Variants in TMEM200C observed in about 807,000 individuals in gnomAD.
TMEM200C encodes the protein transmembrane protein TTMA.
For missense variants in TMEM200C, 966 were observed against 699.9 expected (o/e 1.38, Z -4.29); for synonymous variants, 462 against 324.7 (o/e 1.42, Z -4.55).
chr18:5,888,805 C>T (rs2095167362), exon 3 of TMEM200C: 1 of 152,228 alleles, frequency 6.6e-6, no homozygotes, highest in African/African-American at 2.4e-5. Flanking sequence ...CTCATAGCTC[C>T]ATGAGATATG....
exon 3 of TMEM200C, chr18:5,890,730 G>A (rs1032067451): frequency 2.9e-4 from 158 of 544,200 alleles, no homozygotes; most frequent in Non-Finnish European, 4.9e-4. Context: ...CGCCGCTACC[G>A]CGCCCTCGGG....
exon 3 of TMEM200C, chr18:5,883,509 A>G (rs1397381683): frequency 6.6e-6 from 1 of 152,114 alleles, no homozygotes. Context: ...CACAAACAAT[A>G]CTCATACACA....
chr18:5,891,199 C>A lies in TMEM200C; in HGVS notation c.865G>T (p.Ala289Ser). 1 of 996,998 alleles carries A rather than the reference C, an allele frequency of 1.0e-6. No homozygotes were observed. The allele number at this position is 996,998 out of a possible 1,614,324, so 61.8% of individuals were successfully genotyped here. ...CGAGGGCGGCCGCCGCTCGGCGCCGCGGGGTGAGGAGGCCACGAGCCCTTG... is the reference window on the plus strand; with the variant it reads ...CGAGGGCGGCCGCCGCTCGGCGCCGAGGGGTGAGGAGGCCACGAGCCCTTG... Residue 289 changes from alanine (A) to serine (S), a missense_variant, in exon 3 of 3, where the codon GCG becomes TCG. Physicochemically the swap from Ala to Ser is moderately conservative, Grantham distance 99. Transcript: ENST00000581347. The surrounding 1 kb of genome is among the most constrained non-coding windows in gnomAD (Gnocchi z 4.7).
At chr18:5,892,256 C>G in intron 2 of TMEM200C, 99 bp from the exon 2 acceptor site, 2 of 625,722 alleles carry the variant, frequency 3.2e-6, no homozygotes, top group Non-Finnish European at 2.8e-6. Flanking sequence ...CGTGTGTGCC[C>G]CCCACCCCAG....
At chr18:5,890,005 TA>T (rs34293594) in exon 3 of TMEM200C, 3,558 of 374,700 alleles carry the variant, frequency 9.5e-3, no homozygotes, top group East Asian at 0.018. Context: ...CTAGTTTGCT[TA>T]AAAAAAAAAA....
Position 5,891,771 on chromosome 18 carries a change from A to G in TMEM200C, c.293T>C (p.Val98Ala). The change falls in exon 3 of 3, where the codon GTC (valine) becomes GCC (alanine). Residue 98 changes from valine to alanine, a missense_variant. Transcript: ENST00000581347. This position sits in a 1 kb window ranked among gnomAD's most constrained non-coding sequence, Gnocchi z 4.7. The stretch of plus-strand genomic sequence containing the variant: ...GCTACTGCTGTTGGCCGTGGTTGGG[A>G]CCCGGTGGCTGCTGCCCGCAGGCGG... 1 of 1,608,740 alleles carries G rather than the reference A, an allele frequency of 6.2e-7. No homozygotes were observed.
exon 3 of TMEM200C, chr18:5,890,409 T>C: frequency 6.3e-7 from 1 of 1,576,712 alleles, no homozygotes; most frequent in South Asian, 1.2e-5. Flanking sequence ...AGCTACTGCG[T>C]CCAAGACCGA....
At chr18:5,895,579 C>A (rs1413865494) in intron 1 of TMEM200C, 57 bp from the exon 1 acceptor site, 2 of 139,832 alleles carry the variant, frequency 1.4e-5, no homozygotes, top group Non-Finnish European at 3.1e-5. Context: ...CCCCCGCCCC[C>A]CGCCCCACCC....
chr18:5,884,534 C>T (rs1238898286), exon 3 of TMEM200C: 1 of 152,130 alleles, frequency 6.6e-6, no homozygotes, highest in African/African-American at 2.4e-5. Context: ...TTTGTCCTTT[C>T]TACCTACCAC....
chr18:5,892,337 A>C (rs2095172153), intron 2 of TMEM200C, among the ~76,000 whole-genome samples, 180 bp from the exon 2 acceptor site: 1 of 152,190 alleles, frequency 6.6e-6, no homozygotes, highest in Non-Finnish European at 1.5e-5. Context: ...GGGAAGGGAA[A>C]CGTTGTTGCA....
At chr18:5,890,569 G>C (rs760143745) in exon 3 of TMEM200C, 345 of 1,367,808 alleles carry the variant, frequency 2.5e-4, no homozygotes, top group Non-Finnish European at 2.9e-4. Context: ...TTGGCCAGAG[G>C]GCTGGAGTCC....
chr18:5,883,694 G>A (rs943366407), exon 3 of TMEM200C: 7 of 152,080 alleles, frequency 4.6e-5, no homozygotes, highest in Non-Finnish European at 8.8e-5. Context: ...ATCATGTGTA[G>A]ATTCTGAAAA....
chr18:5,890,892 C>T (rs766068583), exon 3 of TMEM200C: 1 of 682,926 alleles, frequency 1.5e-6, no homozygotes, highest in South Asian at 1.5e-5. Context: ...CGCGTCCCCG[C>T]CCCTATCGCG....
chr18:5,887,018 G>GT (rs2095165893), exon 3 of TMEM200C: 1 of 152,080 alleles, frequency 6.6e-6, no homozygotes, highest in Admixed American at 6.5e-5. Flanking sequence ...CTCCAGTCCT[G>GT]TAAGATAGGG....
chr18:5,890,353 C>G (rs565916236), exon 3 of TMEM200C: 1 of 1,598,436 alleles, frequency 6.3e-7, no homozygotes, highest in African/African-American at 1.3e-5. Context: ...GAGCTCTGCT[C>G]CGCACCCAGA....
At chr18:5,885,275 A>C (rs1282256343) in exon 3 of TMEM200C, 1 of 152,020 alleles carries the variant, frequency 6.6e-6, no homozygotes, top group Non-Finnish European at 1.5e-5. Flanking sequence ...GGACTTGGTC[A>C]CAATGTAGGA....
chr18:5,890,916 G>A (rs759112753), exon 3 of TMEM200C: 1 of 680,328 alleles, frequency 1.5e-6, no homozygotes. Flanking sequence ...CCCTTGCAAG[G>A]GCAGCAGCGC....
At chr18:5,890,293 C>T in exon 3 of TMEM200C, 1 of 1,599,664 alleles carries the variant, frequency 6.3e-7, no homozygotes, top group Non-Finnish European at 8.5e-7. Context: ...TGCCTCTGCA[C>T]CGGCTGAGGT....
At chr18:5,888,768 C>T (rs1015005918) in exon 3 of TMEM200C, 1 of 152,242 alleles carries the variant, frequency 6.6e-6, no homozygotes, top group African/African-American at 2.4e-5. Flanking sequence ...ATAAACCCTC[C>T]TCTGACCCTG....
Sources: allele counts gnomAD v4.1 joint callset (sites outside exome capture counted in the v4.1 genomes callset), GRCh38; gene constraint gnomAD v4.1.1; non-coding constraint Gnocchi (gnomAD v3.1); transcripts MANE v1.5; gene names NCBI Gene and HGNC (gene_info 2026-07-23, HGNC 2026-07-21).